Variants in MMP16 observed in about 807,000 individuals in gnomAD.
MMP16 encodes matrix metallopeptidase 16, also known as matrix metalloproteinase-16.
Under a neutral mutation model 67.8 loss-of-function variants are expected in MMP16, and 12 were observed. The observed-to-expected ratio is 0.18, with a 90% CI of 0.11 to 0.29. The LOEUF (loss-of-function observed/expected upper bound fraction) is 0.29, where lower values mean the gene tolerates loss of function less well. MMP16 is among the 10% of genes least tolerant of loss of function. MMP16 has a pLI of 1.00. For synonymous variants in MMP16, 249 were observed against 255.9 expected, an observed-to-expected ratio of 0.97 and a Z score of 0.26; for missense variants, 475 against 765.7, an observed-to-expected ratio of 0.62 and a Z score of 4.48.
chr8:88,233,189 C>T (rs1476702145), intron 1 of MMP16, among the ~76,000 whole-genome samples: 4 of 151,988 alleles, frequency 2.6e-5, no homozygotes, highest in Non-Finnish European at 4.4e-5. Flanking sequence ...TCAACAAATG[C>T]CAGATATTAT....
At chr8:88,223,697 G>A (rs9774629) in intron 1 of MMP16, among the ~76,000 whole-genome samples, 2 of 103,514 alleles carry the variant, frequency 1.9e-5, no homozygotes, top group South Asian at 8.6e-4. Flanking sequence ...GTCATGGGGT[G>A]GGGGGAGGGG....
At chr8:88,078,631 T>C (rs866231247) in intron 6 of MMP16, among the ~76,000 whole-genome samples, 2 of 152,112 alleles carry the variant, frequency 1.3e-5, no homozygotes, top group Admixed American at 1.3e-4. Flanking sequence ...TGGGCCGAGA[T>C]TGTGCCACTG....
chr8:88,248,705 C>T (rs1053504357), intron 1 of MMP16, among the ~76,000 whole-genome samples: 4 of 151,024 alleles, frequency 2.6e-5, no homozygotes, highest in Non-Finnish European at 5.9e-5. Flanking sequence ...GAGGGACTTG[C>T]TTAGTGTGGC....
intron 1 of MMP16, among the ~76,000 whole-genome samples, chr8:88,273,791 A>G (rs1365705395): frequency 6.6e-6 from 1 of 152,184 alleles, no homozygotes; most frequent in Non-Finnish European, 1.5e-5. Flanking sequence ...ACGGCAAAGA[A>G]TATATGGTTA....
intron 1 of MMP16, among the ~76,000 whole-genome samples, chr8:88,227,841 C>T (rs1238364768): frequency 1.3e-5 from 2 of 152,038 alleles, no homozygotes; most frequent in African/African-American, 2.4e-5. Context: ...TCATTTAACT[C>T]TGAAGAGCCC....
intron 3 of MMP16, among the ~76,000 whole-genome samples, chr8:88,171,065 T>C (rs908309784): frequency 1.3e-5 from 2 of 152,094 alleles, no homozygotes; most frequent in East Asian, 1.9e-4. Context: ...AATAGAGAAA[T>C]GAAATCATGG....
chr8:88,299,041 G>A (rs1297416014), intron 1 of MMP16, among the ~76,000 whole-genome samples: 1 of 151,546 alleles, frequency 6.6e-6, no homozygotes, highest in East Asian at 1.9e-4. Flanking sequence ...AGATCACACA[G>A]TGGGAAAAAA....
At chr8:88,247,473 T>C (rs891168572) in intron 1 of MMP16, among the ~76,000 whole-genome samples, 4 of 152,096 alleles carry the variant, frequency 2.6e-5, no homozygotes, top group Non-Finnish European at 5.9e-5. Flanking sequence ...AGTCAGCTCT[T>C]GTGCAGCACT....
intron 3 of MMP16, among the ~76,000 whole-genome samples, chr8:88,173,632 CATAAT>C (rs1563553503): frequency 6.6e-6 from 1 of 152,052 alleles, no homozygotes; most frequent in Non-Finnish European, 1.5e-5. Flanking sequence ...AGAAGATAAA[CATAAT>C]ATAGTTAAAT....
chr8:88,179,416 A>G lies in MMP16; in HGVS notation c.404+7060T>C, dbSNP rs960716247. Among the ~76,000 whole-genome samples the G allele has an allele frequency of 3.3e-5, 5 of 151,816 alleles. No homozygotes were observed. The East Asian group carries it at 9.7e-4, about 29-fold the overall frequency. On this transcript the variant is annotated intron_variant, in intron 3 of 9. Transcript: ENST00000286614. ...TCTTAGACAAATAAAAACTAAAAAC[A>G]CTTATTGTCTACAGAATTGCCTTGC...
At chr8:88,205,002 G>A (rs1390385996) in intron 1 of MMP16, among the ~76,000 whole-genome samples, 1 of 152,096 alleles carries the variant, frequency 6.6e-6, no homozygotes, top group Non-Finnish European at 1.5e-5. Context: ...CACAGAATCT[G>A]TTCTTTGGTC....
intron 4 of MMP16, among the ~76,000 whole-genome samples, chr8:88,131,763 T>C (rs1288672768): frequency 1.3e-5 from 2 of 151,874 alleles, no homozygotes; most frequent in East Asian, 3.9e-4. Flanking sequence ...ATAGTTCCCC[T>C]AACAAACCAT....
At chr8:88,309,908 T>G (rs948129445) in intron 1 of MMP16, among the ~76,000 whole-genome samples, 1 of 152,096 alleles carries the variant, frequency 6.6e-6, no homozygotes, top group African/African-American at 2.4e-5. Context: ...ATTCAAATTA[T>G]TATGTGATTA....
At chr8:88,295,121 G>A (rs1276709809) in intron 1 of MMP16, among the ~76,000 whole-genome samples, 6 of 152,130 alleles carry the variant, frequency 3.9e-5, no homozygotes, top group Non-Finnish European at 2.9e-5. Flanking sequence ...ACAAAATATT[G>A]TGCACACTTG....
intron 1 of MMP16, among the ~76,000 whole-genome samples, chr8:88,301,902 A>T (rs760482873): frequency 8.5e-5 from 13 of 152,202 alleles, no homozygotes; most frequent in Non-Finnish European, 1.6e-4. Flanking sequence ...TCACAAGGTT[A>T]TTTTTATCAA....
At chr8:88,309,649 G>C (rs1008751867) in intron 1 of MMP16, among the ~76,000 whole-genome samples, 2 of 151,838 alleles carry the variant, frequency 1.3e-5, no homozygotes, top group Non-Finnish European at 1.5e-5. Flanking sequence ...AGTGAAAAAC[G>C]GACTGTTTAA....
At chr8:88,258,435 T>C (rs1179400314) in intron 1 of MMP16, among the ~76,000 whole-genome samples, 1 of 152,192 alleles carries the variant, frequency 6.6e-6, no homozygotes, top group African/African-American at 2.4e-5. Context: ...TCTAATGCCA[T>C]ATCAGGTCTC....
chr8:88,170,043 C>T lies in MMP16; in HGVS notation c.405-2070G>A, dbSNP rs1261927726. 5.9e-5 allele frequency among the ~76,000 whole-genome samples: 9 copies of T among 152,180 alleles called. No homozygotes were observed. The East Asian group carries it at 1.7e-3, about 29-fold the overall frequency. ...AGGTGAGAGATGATGGTGCTTTGGA[C>T]CAGGTTGGTACCAGTAGAGATTTTG... On this transcript the variant is annotated intron_variant, in intron 3 of 9. Transcript: ENST00000286614.
intron 1 of MMP16, among the ~76,000 whole-genome samples, chr8:88,263,508 T>C (rs774656409): frequency 2.0e-5 from 3 of 152,188 alleles, no homozygotes; most frequent in African/African-American, 4.8e-5. Context: ...AGACAGTTAT[T>C]GTCTCATAGT....
Sources: gnomAD v4.1 joint callset for allele counts (sites outside exome capture counted in the v4.1 genomes callset) on GRCh38, gnomAD v4.1.1 for gene constraint, MANE v1.5 for transcripts, NCBI Gene and HGNC (gene_info 2026-07-23, HGNC 2026-07-21) for gene names.